TGFBR2: variants seen among roughly 807,000 people sequenced by gnomAD.
The protein encoded by TGFBR2 is transforming growth factor beta receptor 2, also known as TGF-beta receptor type-2.
TGFBR2 carries 18 observed loss-of-function variants against 49.0 expected under a neutral mutation model. That is an observed-to-expected ratio of 0.37 (90% confidence interval 0.25 to 0.54). The LOEUF is 0.54. TGFBR2 is among the 20% of genes least tolerant of loss of function. TGFBR2 has a pLI of 0.85. For missense variants in TGFBR2, 525 were observed against 722.6 expected, an observed-to-expected ratio of 0.73 and a Z score of 3.13; for synonymous variants, 282 against 275.9, an observed-to-expected ratio of 1.02 and a Z score of -0.22.
At chr3:30,613,758 A>C (rs1698076951) in intron 1 of TGFBR2, among the ~76,000 whole-genome samples, 1 of 152,190 alleles carries the variant, frequency 6.6e-6, no homozygotes. Context: ...GACATTGAAA[A>C]GATATATTTG....
chr3:30,614,661 A>G (rs1408521926), intron 1 of TGFBR2, among the ~76,000 whole-genome samples: 3 of 152,194 alleles, frequency 2.0e-5, no homozygotes, highest in Non-Finnish European at 4.4e-5. Flanking sequence ...TGCACGGATC[A>G]TGCTGAGTAC....
At chr3:30,624,285 C>T (rs1015305477) in intron 1 of TGFBR2, among the ~76,000 whole-genome samples, 7 of 152,246 alleles carry the variant, frequency 4.6e-5, no homozygotes, top group African/African-American at 1.7e-4. Flanking sequence ...GCAACAGAGC[C>T]TACCTCTATG....
Position 30,692,987 on chromosome 3 carries a change from T to A in TGFBR2, c.*1388T>A, listed in dbSNP as rs1012497805. On this transcript the variant is annotated 3_prime_UTR_variant, in exon 7 of 7. Coordinates refer to ENST00000295754, the MANE Select transcript of TGFBR2 (RefSeq NM_003242.6). ...GCCTACCTGGACCCCAGTCTAGGAA[T>A]TAAATCTGCACCTAACCAAGGTCCC... is the stretch of plus-strand genomic sequence containing the variant. The A allele has an allele frequency of 4.3e-6, 1 of 233,226 alleles. No individual in the cohort carries two copies. Among genetic ancestry groups the A allele is most frequent in the Admixed American group, 5.6e-5 (1 of 17,796 alleles). The allele number at this position is 233,226 out of a possible 1,614,324, so 14.4% of individuals were successfully genotyped here.
chr3:30,618,535 C>A (rs1181147360), intron 1 of TGFBR2, among the ~76,000 whole-genome samples: 1 of 152,144 alleles, frequency 6.6e-6, no homozygotes. Flanking sequence ...CGTGTCCGGC[C>A]CCAAGGACCC....
chr3:30,645,046 C>A, intron 2 of TGFBR2, 131 bp downstream of exon 2: 1 of 856,322 alleles, frequency 1.2e-6, no homozygotes, highest in Non-Finnish European at 1.9e-6. Flanking sequence ...TCCTTTAGAC[C>A]ATCTCTCTTT....
chr3:30,612,286 C>T (rs1462156315), intron 1 of TGFBR2, among the ~76,000 whole-genome samples: 1 of 152,158 alleles, frequency 6.6e-6, no homozygotes, highest in East Asian at 1.9e-4. Flanking sequence ...ATGGATCCTG[C>T]TCAGGGTCTC....
intron 2 of TGFBR2, among the ~76,000 whole-genome samples, chr3:30,647,959 GAGCCACCGTGCCC>G (rs1228177640): frequency 6.6e-6 from 1 of 152,152 alleles, no homozygotes; most frequent in Admixed American, 6.5e-5. Flanking sequence ...TTACAGGCAT[GAGCCACCGTGCCC>G]AGCCTCCAAA....
chr3:30,638,683 G>A (rs946447038), intron 1 of TGFBR2, among the ~76,000 whole-genome samples: 3 of 152,202 alleles, frequency 2.0e-5, no homozygotes, highest in Non-Finnish European at 2.9e-5. Context: ...TAATCACAAG[G>A]TGTTTGTTTG....
intron 1 of TGFBR2, among the ~76,000 whole-genome samples, chr3:30,627,036 G>T (rs1445618398): frequency 6.6e-6 from 1 of 152,174 alleles, no homozygotes; most frequent in Non-Finnish European, 1.5e-5. Context: ...CCAGGAGTTT[G>T]TGATGGGAAG....
intron 1 of TGFBR2, among the ~76,000 whole-genome samples, chr3:30,617,575 C>G (rs1017763476): frequency 9.9e-5 from 15 of 152,208 alleles, no homozygotes; most frequent in African/African-American, 3.4e-4. Context: ...TTTCTATTCT[C>G]TTAGGCCTTT....
chr3:30,681,200 G>C (rs1223546811), intron 5 of TGFBR2, among the ~76,000 whole-genome samples: 1 of 142,584 alleles, frequency 7.0e-6, no homozygotes, highest in Non-Finnish European at 1.5e-5. Context: ...GAACCAAAAA[G>C]AAAGGGAAGG....
At position 30,688,304 on chromosome 3, in the gene TGFBR2, C is replaced by T. The variant is rs977496824; in HGVS notation, c.1397-80C>T. 8 of 1,592,968 alleles carry T rather than the reference C, an allele frequency of 5.0e-6. No individual in the cohort carries two copies. The Admixed American group carries it at 6.7e-5, about 13-fold the overall frequency. On this transcript the variant is annotated intron_variant, in intron 5 of 6. Coordinates refer to ENST00000295754, the MANE Select transcript of TGFBR2 (RefSeq NM_003242.6). ...TTACTTAGTGCTTCATGCTCCCCAG[C>T]CAGGCATCTCACCATGCTCATTTCC... is the stretch of plus-strand genomic sequence containing the variant.
At chr3:30,661,361 C>T (rs944763785) in intron 3 of TGFBR2, among the ~76,000 whole-genome samples, 2 of 152,154 alleles carry the variant, frequency 1.3e-5, no homozygotes, top group African/African-American at 4.8e-5. Context: ...TAGGCACCCT[C>T]CTAATGTTGG....
At chr3:30,609,294 T>G (rs574129660) in intron 1 of TGFBR2, among the ~76,000 whole-genome samples, 2 of 152,366 alleles carry the variant, frequency 1.3e-5, no homozygotes, top group African/African-American at 4.8e-5. Context: ...ATTTTTCATG[T>G]AAGTAAATAG....
At position 30,647,993 on chromosome 3, in the gene TGFBR2, T is replaced by C. The variant is rs528932292; in HGVS notation, c.264-2277T>C. 2.6e-5 allele frequency among the ~76,000 whole-genome samples: 4 copies of C among 152,280 alleles called. No homozygotes were observed. The East Asian group carries it at 7.7e-4, about 29-fold the overall frequency. ...TGCCCAGCCTCCAAAATTAATTTTA[T>C]CATGTTGGTTCTTCTTTCAGTGGAA... On this transcript the variant is annotated intron_variant, in intron 2 of 6. Coordinates refer to ENST00000295754, the MANE Select transcript of TGFBR2 (RefSeq NM_003242.6).
chr3:30,687,785 C>T (rs1699650078), intron 5 of TGFBR2, among the ~76,000 whole-genome samples: 2 of 152,168 alleles, frequency 1.3e-5, no homozygotes, highest in Non-Finnish European at 1.5e-5. Flanking sequence ...ATTATACTGT[C>T]TCTGAATATA....
chr3:30,655,240 A>G (rs1171750105), intron 3 of TGFBR2, among the ~76,000 whole-genome samples: 1 of 152,188 alleles, frequency 6.6e-6, no homozygotes, highest in African/African-American at 2.4e-5. Context: ...TGAATGCAGG[A>G]AACCAGGCCT....
chr3:30,648,529 T>C (rs1698819037), intron 2 of TGFBR2, among the ~76,000 whole-genome samples: 1 of 151,764 alleles, frequency 6.6e-6, no homozygotes, highest in Non-Finnish European at 1.5e-5. Flanking sequence ...GACTGCCAAG[T>C]AGCTTTGGGG....
chr3:30,622,753 G>A lies in TGFBR2; in HGVS notation c.94+15776G>A, dbSNP rs192000126. Among the ~76,000 whole-genome samples the A allele has an allele frequency of 4.6e-5, 7 of 151,704 alleles. No individual in the cohort carries two copies. In the East Asian group the frequency reaches 1.2e-3, roughly 25 times the overall value. On this transcript the variant is annotated intron_variant, in intron 1 of 6. Transcript: ENST00000295754. Reference sequence around the variant, plus strand: ...AAATTAGCTAGGAGTGGTGGGACACGCCTATAATCCCAGCTACTCAGGAAG... The same window carrying A: ...AAATTAGCTAGGAGTGGTGGGACACACCTATAATCCCAGCTACTCAGGAAG...
Sources: allele counts gnomAD v4.1 joint callset (sites outside exome capture counted in the v4.1 genomes callset), GRCh38; gene constraint gnomAD v4.1.1; transcripts MANE v1.5; gene names NCBI Gene and HGNC (gene_info 2026-07-23, HGNC 2026-07-21).